LDB2: variants seen among roughly 807,000 people sequenced by gnomAD.
LDB2 encodes LIM domain binding 2, also known as LIM domain-binding protein 2.
LDB2 carries 12 observed loss-of-function variants against 44.3 expected under a neutral mutation model. That is an observed-to-expected ratio of 0.27 (90% confidence interval 0.17 to 0.44). The LOEUF (loss-of-function observed/expected upper bound fraction) is 0.44. LDB2 is among the 20% of genes least tolerant of loss of function. The pLI is 1.00. For missense variants in LDB2, 344 were observed against 473.5 expected (o/e 0.73, Z 2.54); for synonymous variants, 164 against 174.8 (o/e 0.94, Z 0.49).
intron 1 of LDB2, among the ~76,000 whole-genome samples, chr4:16,772,475 T>A (rs935316040): frequency 6.6e-6 from 1 of 152,214 alleles, no homozygotes; most frequent in Non-Finnish European, 1.5e-5. Context: ...AGGGCAGCCA[T>A]ACCAAGGTTC....
At chr4:16,537,695 C>T (rs1309086825) in intron 5 of LDB2, among the ~76,000 whole-genome samples, 2 of 152,158 alleles carry the variant, frequency 1.3e-5, no homozygotes, top group African/African-American at 4.8e-5. Context: ...AATGAGGGAT[C>T]CTCTACTTCC....
intron 2 of LDB2, among the ~76,000 whole-genome samples, chr4:16,642,599 T>C (rs947160702): frequency 1.2e-4 from 18 of 152,196 alleles, no homozygotes; most frequent in African/African-American, 4.1e-4. Context: ...TGGGCTTCCT[T>C]TCCATGGACC....
rs189562240 is a variant in LDB2 at position 16,669,238 on chromosome 4, T to C, written c.236-73363A>G. Among the ~76,000 whole-genome samples the C allele has an allele frequency of 8.5e-5, 13 of 152,348 alleles. No homozygotes were observed. In the East Asian group the frequency reaches 2.5e-3, roughly 29 times the overall value. On this transcript the variant is annotated intron_variant, in intron 2 of 7. Coordinates refer to ENST00000304523, the MANE Select transcript of LDB2 (RefSeq NM_001290.5). ...CCATGACCTCATAGTCAAGAGGTGATAGAAGTGGGACTCCAGCCCAGAATT... is the reference window on the plus strand; with the variant it reads ...CCATGACCTCATAGTCAAGAGGTGACAGAAGTGGGACTCCAGCCCAGAATT...
At chr4:16,847,498 TAAC>T (rs1226460270) in intron 1 of LDB2, among the ~76,000 whole-genome samples, 2 of 152,226 alleles carry the variant, frequency 1.3e-5, no homozygotes, top group African/African-American at 2.4e-5. Context: ...TGGTAAAAAA[TAAC>T]AATCGTTAGA....
chr4:16,681,693 T>C (rs1347192275), intron 2 of LDB2, among the ~76,000 whole-genome samples: 5 of 132,592 alleles, frequency 3.8e-5, no homozygotes. Context: ...GTGATGGGAC[T>C]GCACTGGGCT....
chr4:16,718,805 T>A (rs1056473310), intron 2 of LDB2, among the ~76,000 whole-genome samples: 1 of 152,146 alleles, frequency 6.6e-6, no homozygotes, highest in Non-Finnish European at 1.5e-5. Context: ...TCTATTGACA[T>A]CCCATGGAAA....
At chr4:16,554,529 T>C (rs1738829484) in intron 5 of LDB2, among the ~76,000 whole-genome samples, 1 of 152,130 alleles carries the variant, frequency 6.6e-6, no homozygotes, top group African/African-American at 2.4e-5. Context: ...GGCTACATGT[T>C]GGAATCACCT....
chr4:16,593,557 C>T (rs567521666), intron 3 of LDB2, among the ~76,000 whole-genome samples: 1 of 152,126 alleles, frequency 6.6e-6, no homozygotes, highest in South Asian at 2.1e-4. Context: ...GCATAATTAG[C>T]ATCTGGACTA....
intron 2 of LDB2, among the ~76,000 whole-genome samples, chr4:16,639,723 G>A (rs1734627848): frequency 6.6e-6 from 1 of 152,206 alleles, no homozygotes; most frequent in South Asian, 2.1e-4. Flanking sequence ...GCCTCCCAAA[G>A]TGTTGGGATT....
intron 5 of LDB2, among the ~76,000 whole-genome samples, chr4:16,575,919 A>T (rs1748118348): frequency 6.6e-6 from 1 of 152,064 alleles, no homozygotes; most frequent in South Asian, 2.1e-4. Flanking sequence ...GTATTTTTTT[A>T]AATAGAGATG....
At chr4:16,520,153 G>A (rs1485607162) in intron 5 of LDB2, among the ~76,000 whole-genome samples, 5 of 152,054 alleles carry the variant, frequency 3.3e-5, no homozygotes, top group African/African-American at 9.7e-5. Context: ...CCCACCGCCA[G>A]TAATTTACTC....
intron 1 of LDB2, among the ~76,000 whole-genome samples, chr4:16,785,374 G>T (rs1249222858): frequency 1.3e-5 from 2 of 152,052 alleles, no homozygotes; most frequent in Non-Finnish European, 2.9e-5. Flanking sequence ...TAGAACAAAG[G>T]AGGAAAGGGC....
chr4:16,668,458 C>T (rs1342100032), intron 2 of LDB2, among the ~76,000 whole-genome samples: 1 of 152,172 alleles, frequency 6.6e-6, no homozygotes, highest in Non-Finnish European at 1.5e-5. Flanking sequence ...AAGCCTCTTC[C>T]CTTCTTTTAC....
intron 3 of LDB2, among the ~76,000 whole-genome samples, chr4:16,593,457 C>A (rs1453554339): frequency 4.0e-5 from 6 of 149,742 alleles, no homozygotes; most frequent in Non-Finnish European, 1.5e-5. Flanking sequence ...ATAATAATCA[C>A]CAAGGAGCAA....
At chr4:16,750,930 G>A (rs1364048665) in intron 2 of LDB2, 1 of 152,154 alleles carries the variant, frequency 6.6e-6, no homozygotes, top group Non-Finnish European at 1.5e-5. Flanking sequence ...AGCAACACCT[G>A]TCATTGTGAC....
intron 2 of LDB2, among the ~76,000 whole-genome samples, chr4:16,600,906 C>A (rs1056735789): frequency 2.0e-5 from 3 of 152,020 alleles, no homozygotes; most frequent in African/African-American, 7.2e-5. Context: ...ATAAAGAAGA[C>A]ATAAACTACT....
At chr4:16,628,258 A>G (rs1730850805) in intron 2 of LDB2, among the ~76,000 whole-genome samples, 1 of 152,132 alleles carries the variant, frequency 6.6e-6, no homozygotes. Context: ...TTTTGCAAGG[A>G]TTACGTGAAT....
At chr4:16,634,787 C>T (rs1034055583) in intron 2 of LDB2, among the ~76,000 whole-genome samples, 5 of 152,090 alleles carry the variant, frequency 3.3e-5, no homozygotes, top group African/African-American at 9.7e-5. Flanking sequence ...AGTCCCATTA[C>T]GGGGCATATA....
chr4:16,761,625 G>C (rs534885021), intron 1 of LDB2, among the ~76,000 whole-genome samples: 19 of 152,252 alleles, frequency 1.2e-4, no homozygotes, highest in African/African-American at 4.1e-4. Context: ...AACAACAATA[G>C]TTACTATCTG....
Sources: allele counts gnomAD v4.1 joint callset (sites outside exome capture counted in the v4.1 genomes callset), GRCh38; gene constraint gnomAD v4.1.1; transcripts MANE v1.5; gene names NCBI Gene and HGNC (gene_info 2026-07-23, HGNC 2026-07-21).